HPSE2: variants seen among roughly 807,000 people sequenced by gnomAD.
HPSE2 encodes heparanase 2 (inactive), also known as inactive heparanase-2.
A neutral mutation model predicts 60.5 loss-of-function variants in HPSE2; 38 were observed. The observed-to-expected ratio is 0.63, with a 90% CI of 0.48 to 0.82. The LOEUF (loss-of-function observed/expected upper bound fraction) is 0.82. HPSE2 is among the 40% of genes least tolerant of loss of function. The pLI is 0.00. For synonymous variants in HPSE2, 295 were observed against 293.2 expected, an observed-to-expected ratio of 1.01 and a Z score of -0.06; for missense variants, 713 against 740.4, an observed-to-expected ratio of 0.96 and a Z score of 0.43.
intron 9 of HPSE2, among the ~76,000 whole-genome samples, chr10:98,607,385 G>T (rs1945623320): frequency 1.3e-5 from 2 of 152,172 alleles, no homozygotes; most frequent in African/African-American, 4.8e-5. Flanking sequence ...GGCAGAGTGG[G>T]ATTTTCAATT....
chr10:98,951,540 T>C (rs966702486), intron 3 of HPSE2, among the ~76,000 whole-genome samples: 8 of 152,072 alleles, frequency 5.3e-5, no homozygotes, highest in Non-Finnish European at 1.2e-4. Context: ...GGAAGAAGGA[T>C]GCAAAAAAGC....
chr10:98,484,605 T>C (rs563730489), intron 10 of HPSE2, among the ~76,000 whole-genome samples: 2 of 152,248 alleles, frequency 1.3e-5, no homozygotes, highest in Non-Finnish European at 2.9e-5. Context: ...TCTGCAAAAT[T>C]TCCCCCAGTT....
chr10:99,076,907 G>A (rs1370380415), intron 3 of HPSE2, among the ~76,000 whole-genome samples: 1 of 152,150 alleles, frequency 6.6e-6, no homozygotes, highest in Non-Finnish European at 1.5e-5. Flanking sequence ...GGGTCGCAAA[G>A]AACTCTCTCA....
intron 7 of HPSE2, among the ~76,000 whole-genome samples, chr10:98,640,527 C>T (rs1368251579): frequency 6.6e-6 from 1 of 152,162 alleles, no homozygotes; most frequent in Non-Finnish European, 1.5e-5. Flanking sequence ...TCAAGACCTC[C>T]ACTTTAGCTC....
At chr10:99,158,609 G>C (rs1028442705) in intron 2 of HPSE2, among the ~76,000 whole-genome samples, 4 of 132,276 alleles carry the variant, frequency 3.0e-5, no homozygotes, top group South Asian at 2.7e-4. Flanking sequence ...GTGGTGGGGT[G>C]GGGGGAGGGA....
intron 9 of HPSE2, among the ~76,000 whole-genome samples, chr10:98,559,448 G>T (rs1944108677): frequency 6.6e-6 from 1 of 151,992 alleles, no homozygotes; most frequent in African/African-American, 2.4e-5. Context: ...TCCCACTGTG[G>T]TTGTACCTCA....
chr10:98,485,666 A>G (rs1232303095), intron 10 of HPSE2, among the ~76,000 whole-genome samples: 1 of 152,228 alleles, frequency 6.6e-6, no homozygotes, highest in African/African-American at 2.4e-5. Flanking sequence ...TATCTGTAAA[A>G]CTGAGGAAGA....
rs1944172096 is a variant in HPSE2 at position 98,561,233 on chromosome 10, C to G, written c.1320+53671G>C. 2.7e-5 allele frequency among the ~76,000 whole-genome samples: 4 copies of G among 148,056 alleles called. No homozygotes were observed. The Admixed American group carries it at 2.8e-4, about 10-fold the overall frequency. ...CCACACTGGAGTGCAGTGGCATGAT[C>G]TCGGCTCACTGCAACATCTGCCTCC... is the stretch of plus-strand genomic sequence containing the variant. On this transcript the variant is annotated intron_variant, in intron 9 of 11. Transcript: ENST00000370552.
At chr10:99,132,237 G>GAAAGAA (rs1308434482) in intron 3 of HPSE2, among the ~76,000 whole-genome samples, 48 of 20,602 alleles carry the variant, frequency 2.3e-3, no homozygotes, top group East Asian at 3.9e-3. Flanking sequence ...GAGAGAGAGA[G>GAAAGAA]AGAGAGAAAG....
chr10:99,261,643 C>T, the HPSE2 span, among the ~76,000 whole-genome samples: 1 of 152,184 alleles, frequency 6.6e-6, no homozygotes, highest in African/African-American at 2.4e-5. Context: ...CCGCTCCTGA[C>T]ATTAGAGAAA....
chr10:98,482,891 C>T, intron 10 of HPSE2, 109 bp from the exon 11 acceptor site: 1 of 1,236,458 alleles, frequency 8.1e-7, no homozygotes, highest in Non-Finnish European at 1.2e-6. Context: ...GAAAATGGCA[C>T]TTAAAAACTT....
chr10:98,866,163 C>T (rs1275740244), intron 3 of HPSE2, among the ~76,000 whole-genome samples: 4 of 151,790 alleles, frequency 2.6e-5, no homozygotes, highest in African/African-American at 9.7e-5. Context: ...CTAAGAGAGA[C>T]AAGAAAAATA....
At chr10:98,960,127 G>T (rs1955613822) in intron 3 of HPSE2, among the ~76,000 whole-genome samples, 1 of 152,170 alleles carries the variant, frequency 6.6e-6, no homozygotes, top group Non-Finnish European at 1.5e-5. Flanking sequence ...AGTGGTTAAG[G>T]GATGCCATGA....
chr10:98,963,511 G>A (rs1337098157), intron 3 of HPSE2, among the ~76,000 whole-genome samples: 2 of 152,108 alleles, frequency 1.3e-5, no homozygotes, highest in Non-Finnish European at 2.9e-5. Context: ...ATGCATTTGT[G>A]TATTAAATAG....
At chr10:98,622,013 A>G (rs1946088301) in intron 7 of HPSE2, among the ~76,000 whole-genome samples, 1 of 152,236 alleles carries the variant, frequency 6.6e-6, no homozygotes, top group African/African-American at 2.4e-5. Context: ...CTAGACATAC[A>G]CACCAAAGAA....
chr10:98,855,741 A>G (rs1438291905), intron 3 of HPSE2, among the ~76,000 whole-genome samples: 1 of 152,148 alleles, frequency 6.6e-6, no homozygotes, highest in African/African-American at 2.4e-5. Context: ...GAACCTGAAC[A>G]ACATAGGCTG....
Position 99,158,518 on chromosome 10 carries a change from C to T in HPSE2, c.449-14119G>A, listed in dbSNP as rs563338357. Among the ~76,000 whole-genome samples, 355 of 137,188 alleles carry T rather than the reference C, an allele frequency of 2.6e-3. 2 individuals carry two copies. Among genetic ancestry groups the T allele is most frequent in the Middle Eastern group, 7.2e-3 (2 of 278 alleles). The allele number at this position is 137,188 out of a possible 152,430, so 90.0% of individuals were successfully genotyped here. A position where few individuals can be genotyped will look rare whatever the true frequency, so the allele number is the denominator to read the frequency against. On this transcript the variant is annotated intron_variant, in intron 2 of 11. Coordinates refer to ENST00000370552, the MANE Select transcript of HPSE2 (RefSeq NM_021828.5). ...TATCGCAAGAACAAAAAACCAAACACCGCATATTCTCACTAATAGGTGGGA... is the reference window on the plus strand; with the variant it reads ...TATCGCAAGAACAAAAAACCAAACATCGCATATTCTCACTAATAGGTGGGA...
At chr10:98,807,190 C>G (rs1479497612) in intron 3 of HPSE2, among the ~76,000 whole-genome samples, 1 of 152,128 alleles carries the variant, frequency 6.6e-6, no homozygotes, top group Non-Finnish European at 1.5e-5. Flanking sequence ...AAATACGCAT[C>G]ACTCAGCTTC....
At chr10:99,145,098 G>T (rs1846000689) in intron 2 of HPSE2, among the ~76,000 whole-genome samples, 1 of 152,092 alleles carries the variant, frequency 6.6e-6, no homozygotes, top group Non-Finnish European at 1.5e-5. Flanking sequence ...TTATACTTCG[G>T]AATGATTTTC....
Sources: allele counts gnomAD v4.1 joint callset (sites outside exome capture counted in the v4.1 genomes callset), GRCh38; gene constraint gnomAD v4.1.1; transcripts MANE v1.5; gene names NCBI Gene and HGNC (gene_info 2026-07-23, HGNC 2026-07-21).